The following MDGA2 variants were observed in gnomAD, a reference collection of about 807,000 sequenced individuals.
The protein encoded by MDGA2 is MAM domain-containing glycosylphosphatidylinositol anchor protein 2.
Under a neutral mutation model 117.8 loss-of-function variants are expected in MDGA2, and 40 were observed. The observed-to-expected ratio is 0.34, with a 90% confidence interval of 0.26 to 0.44. The LOEUF (loss-of-function observed/expected upper bound fraction) is 0.44. Among genes scored for constraint, MDGA2 ranks in the 20% least tolerant of loss-of-function variants. The pLI, the probability that MDGA2 is intolerant of heterozygous loss-of-function variation, is 1.00. For synonymous variants in MDGA2, 452 were observed against 439.0 expected, an observed-to-expected ratio of 1.03 and a Z score of -0.37; for missense variants, 1,123 against 1,250.6, an observed-to-expected ratio of 0.90 and a Z score of 1.54.
At position 47,396,259 on chromosome 14, in the gene MDGA2, A is replaced by G. The variant is rs143416811; in HGVS notation, c.281-94709T>C. On this transcript the variant is annotated intron_variant, in intron 1 of 16. Coordinates refer to ENST00000399232, the MANE Select transcript of MDGA2 (RefSeq NM_001113498.3). Reference sequence around the variant, plus strand: ...GTCACATTTGTACTTCTAGACTCCTATATGTATTATCTGATAAAACAATTA... The same window carrying G: ...GTCACATTTGTACTTCTAGACTCCTGTATGTATTATCTGATAAAACAATTA... Among the ~76,000 whole-genome samples, 170 of 152,248 alleles carry G rather than the reference A, an allele frequency of 1.1e-3. 1 individual carries two copies. The highest frequency in any genetic ancestry group is 3.6e-3 in the African/African-American group (150 of 41,566).
intron 6 of MDGA2, among the ~76,000 whole-genome samples, chr14:47,093,771 G>C (rs1414582219): frequency 1.3e-5 from 2 of 151,948 alleles, no homozygotes; most frequent in Non-Finnish European, 2.9e-5. Flanking sequence ...ATTCTGAAAT[G>C]TTTCTTGAAT....
chr14:47,130,579 A>G (rs926215175), intron 5 of MDGA2, among the ~76,000 whole-genome samples: 5 of 152,210 alleles, frequency 3.3e-5, no homozygotes, highest in African/African-American at 1.2e-4. Context: ...ATATTTTACA[A>G]TAAAGTCCTA....
At chr14:47,078,036 T>A (rs939298497) in intron 6 of MDGA2, among the ~76,000 whole-genome samples, 2 of 152,078 alleles carry the variant, frequency 1.3e-5, no homozygotes, top group Admixed American at 6.5e-5. Context: ...GGAATTCTAA[T>A]ACGTGAGGGA....
intron 1 of MDGA2, among the ~76,000 whole-genome samples, chr14:47,584,998 T>C (rs1378950626): frequency 2.0e-5 from 3 of 151,920 alleles, no homozygotes; most frequent in Admixed American, 6.6e-5. Flanking sequence ...AGCAAAACTT[T>C]ATTTCCTACT....
At chr14:47,429,045 T>TA (rs1892746738) in intron 1 of MDGA2, among the ~76,000 whole-genome samples, 1 of 151,884 alleles carries the variant, frequency 6.6e-6, no homozygotes, top group South Asian at 2.1e-4. Context: ...GCCCACATGG[T>TA]AAAACCCCGT....
At chr14:47,575,205 T>G (rs1332081331) in intron 1 of MDGA2, among the ~76,000 whole-genome samples, 3 of 152,222 alleles carry the variant, frequency 2.0e-5, no homozygotes, top group Admixed American at 1.3e-4. Flanking sequence ...AACGAAATAA[T>G]GGAGAGGACA....
intron 1 of MDGA2, among the ~76,000 whole-genome samples, chr14:47,630,364 G>C (rs945455290): frequency 1.3e-5 from 2 of 152,166 alleles, no homozygotes; most frequent in Admixed American, 6.5e-5. Context: ...TATGTATGTA[G>C]TATGTGTCTA....
chr14:47,223,036 G>A (rs2139534371), intron 2 of MDGA2, among the ~76,000 whole-genome samples: 1 of 152,272 alleles, frequency 6.6e-6, no homozygotes, highest in African/African-American at 2.4e-5. Context: ...GGAGGTAAAA[G>A]GCACTTCTTA....
At chr14:47,571,420 T>C (rs912892722) in intron 1 of MDGA2, among the ~76,000 whole-genome samples, 2 of 152,110 alleles carry the variant, frequency 1.3e-5, no homozygotes, top group Admixed American at 6.5e-5. Context: ...ACCCAAAGGA[T>C]TATAAATCAT....
At chr14:47,627,239 G>C (rs1301634926) in intron 1 of MDGA2, among the ~76,000 whole-genome samples, 1 of 151,986 alleles carries the variant, frequency 6.6e-6, no homozygotes, top group Non-Finnish European at 1.5e-5. Flanking sequence ...TTGGCACTCT[G>C]TGTCTAGTTA....
chr14:47,016,569 G>A (rs1199647779), intron 8 of MDGA2, among the ~76,000 whole-genome samples: 2 of 151,992 alleles, frequency 1.3e-5, no homozygotes, highest in African/African-American at 2.4e-5. Flanking sequence ...GAATTTCCGT[G>A]ACTCACTCTG....
intron 6 of MDGA2, among the ~76,000 whole-genome samples, chr14:47,078,750 A>G (rs1016457608): frequency 3.9e-5 from 6 of 152,178 alleles, no homozygotes; most frequent in South Asian, 2.1e-4. Context: ...TTCTCTACCT[A>G]TAACTATTAC....
chr14:47,515,075 A>C (rs531568747), intron 1 of MDGA2, among the ~76,000 whole-genome samples: 1 of 152,310 alleles, frequency 6.6e-6, no homozygotes, highest in African/African-American at 2.4e-5. Flanking sequence ...AATTAGTTGA[A>C]GAACAGAGTA....
At chr14:47,272,998 C>T (rs1360888303) in intron 2 of MDGA2, among the ~76,000 whole-genome samples, 1 of 152,052 alleles carries the variant, frequency 6.6e-6, no homozygotes, top group Admixed American at 6.6e-5. Flanking sequence ...CTCTAAGGAG[C>T]CTGAAGCAAT....
At chr14:47,340,206 C>T (rs1890579515) in intron 1 of MDGA2, among the ~76,000 whole-genome samples, 1 of 152,018 alleles carries the variant, frequency 6.6e-6, no homozygotes, top group Non-Finnish European at 1.5e-5. Flanking sequence ...TTTCTCAGCA[C>T]AACCAGAGAT....
intron 1 of MDGA2, among the ~76,000 whole-genome samples, chr14:47,404,188 A>G (rs1594840386): frequency 8.7e-6 from 1 of 115,462 alleles, no homozygotes; most frequent in Non-Finnish European, 1.9e-5. Flanking sequence ...TATAATACCA[A>G]CCTTTTTTTT....
intron 1 of MDGA2, among the ~76,000 whole-genome samples, chr14:47,665,799 C>CT (rs1485589675): frequency 2.8e-3 from 165 of 58,220 alleles, no homozygotes; most frequent in Non-Finnish European, 4.6e-3. Context: ...AGCCCGCCCC[C>CT]TCCCTCGCCC....
intron 1 of MDGA2, among the ~76,000 whole-genome samples, chr14:47,466,303 A>AC (rs1360590123): frequency 1.3e-5 from 2 of 151,604 alleles, no homozygotes; most frequent in Non-Finnish European, 2.9e-5. Flanking sequence ...GATTTGCAGG[A>AC]CCCCCACACG....
intron 10 of MDGA2, among the ~76,000 whole-genome samples, chr14:46,893,316 C>T (rs1882951435): frequency 6.6e-6 from 1 of 151,740 alleles, no homozygotes; most frequent in South Asian, 2.1e-4. Context: ...CTCAAATACA[C>T]AGAAATAGAA....
Sources: gnomAD v4.1 joint callset for allele counts (sites outside exome capture counted in the v4.1 genomes callset) on GRCh38, gnomAD v4.1.1 for gene constraint, MANE v1.5 for transcripts, NCBI Gene and HGNC (gene_info 2026-07-23, HGNC 2026-07-21) for gene names.